SAMD5: variants seen among roughly 807,000 people sequenced by gnomAD.
The protein encoded by SAMD5 is sterile alpha motif domain-containing protein 5.
SAMD5 carries 13 observed loss-of-function variants against 11.3 expected under a neutral mutation model. That is an observed-to-expected ratio of 1.15 (90% CI 0.75 to 1.83). SAMD5 has a LOEUF of 1.83. Among genes scored for constraint, SAMD5 ranks in the 40% most tolerant of loss-of-function variants. The pLI, the probability that SAMD5 is intolerant of heterozygous loss-of-function variation, is 0.00. For missense variants in SAMD5, 255 were observed against 239.1 expected, an observed-to-expected ratio of 1.07 and a Z score of -0.44; for synonymous variants, 129 against 111.3, an observed-to-expected ratio of 1.16 and a Z score of -1.00.
At chr6:147,875,077 A>G in the SAMD5 span, among the ~76,000 whole-genome samples, 1 of 152,186 alleles carries the variant, frequency 6.6e-6, no homozygotes, top group East Asian at 1.9e-4. Flanking sequence ...TCCAAGTTGA[A>G]TTTTAAAACT....
At chr6:147,654,070 CT>C (rs1348055879) in intron 1 of SAMD5, among the ~76,000 whole-genome samples, 2 of 152,114 alleles carry the variant, frequency 1.3e-5, no homozygotes, top group African/African-American at 4.8e-5. Flanking sequence ...GTCTTTTTTC[CT>C]TTATTTTGTT....
At chr6:147,540,731 A>G (rs1405280402) in intron 1 of SAMD5, among the ~76,000 whole-genome samples, 1 of 151,906 alleles carries the variant, frequency 6.6e-6, no homozygotes, top group Non-Finnish European at 1.5e-5. Context: ...AAACCCTTGC[A>G]GAGAGACAAG....
chr6:147,872,232 A>G, the SAMD5 span, among the ~76,000 whole-genome samples: 1 of 151,808 alleles, frequency 6.6e-6, no homozygotes, highest in Non-Finnish European at 1.5e-5. Flanking sequence ...CAGCCTCCCA[A>G]GCAGGTAGGA....
At chr6:147,524,751 G>A (rs983181702) in intron 1 of SAMD5, among the ~76,000 whole-genome samples, 1 of 152,028 alleles carries the variant, frequency 6.6e-6, no homozygotes, top group Non-Finnish European at 1.5e-5. Flanking sequence ...GCTGTTGGTG[G>A]TCTCGTCAGA....
At chr6:147,865,103 T>A in the SAMD5 span, among the ~76,000 whole-genome samples, 146 of 152,348 alleles carry the variant, frequency 9.6e-4, no homozygotes, top group Non-Finnish European at 1.3e-3. Context: ...TCTGGGCATC[T>A]GTTGAGGCCA....
At chr6:147,727,869 C>T (rs1791651747) in intron 1 of SAMD5, among the ~76,000 whole-genome samples, 1 of 152,088 alleles carries the variant, frequency 6.6e-6, no homozygotes, top group South Asian at 2.1e-4. Flanking sequence ...AACTAATTGA[C>T]CACATTCAAC....
chr6:147,751,693 C>T, the SAMD5 span, among the ~76,000 whole-genome samples: 2 of 152,196 alleles, frequency 1.3e-5, no homozygotes, highest in Non-Finnish European at 2.9e-5. Flanking sequence ...CCAGATGACA[C>T]TAATCACACG....
At chr6:147,826,784 T>C in the SAMD5 span, among the ~76,000 whole-genome samples, 1 of 152,158 alleles carries the variant, frequency 6.6e-6, no homozygotes. Flanking sequence ...GTCATCATTG[T>C]GGTGTTATTA....
chr6:147,944,122 C>G, the SAMD5 span, among the ~76,000 whole-genome samples: 1 of 152,138 alleles, frequency 6.6e-6, no homozygotes, highest in East Asian at 1.9e-4. Flanking sequence ...TTTTCCCTCC[C>G]CCTCTCTCAC....
At chr6:147,597,924 C>T (rs540496759) in intron 1 of SAMD5, among the ~76,000 whole-genome samples, 51 of 152,144 alleles carry the variant, frequency 3.4e-4, no homozygotes, top group African/African-American at 1.1e-3. Flanking sequence ...CCCTGCAGGC[C>T]GGGTCACTCA....
chr6:147,518,446 T>C (rs1332127560), intron 1 of SAMD5, among the ~76,000 whole-genome samples: 2 of 152,236 alleles, frequency 1.3e-5, no homozygotes, highest in Non-Finnish European at 2.9e-5. Context: ...GAACTATATA[T>C]ATGGATAAAC....
Position 147,671,165 on chromosome 6 carries a change from G to T in SAMD5, c.163-66152G>T, listed in dbSNP as rs149272865. Among the ~76,000 whole-genome samples, 28 of 152,280 alleles carry T rather than the reference G, an allele frequency of 1.8e-4. No individual in the cohort carries two copies. The East Asian group carries it at 4.6e-3, about 25-fold the overall frequency. On this transcript the variant is annotated intron_variant, in intron 1 of 1. Coordinates refer to the SAMD5 transcript ENST00000566741. The stretch of plus-strand genomic sequence containing the variant: ...CAGTCAGAACACATATTTATTGATT[G>T]AATTCACCATCATGTGGGAGCAGTT...
In SAMD5 at chr6:147,711,012, A is replaced by AGGAAGGAAATAAGGAAGGAG. The variant is rs1246127989; in HGVS notation, c.163-26295_163-26276dup. On this transcript the variant is annotated intron_variant, in intron 1 of 1. Coordinates refer to the SAMD5 transcript ENST00000566741. The surrounding 1 kb of genome is among the most constrained non-coding windows in gnomAD (Gnocchi z 4.1). ...GGAGGGAGGGAAGGAAAATAAAGGA[A>AGGAAGGAAATAAGGAAGGAG]GGAAGGAAATAAGGAAGGAGGGAAG... Among the ~76,000 whole-genome samples, 1 of 151,614 alleles carries AGGAAGGAAATAAGGAAGGAG rather than the reference A, an allele frequency of 6.6e-6. No individual in the cohort carries two copies. Among genetic ancestry groups the AGGAAGGAAATAAGGAAGGAG allele is most frequent in the Non-Finnish European group, 1.5e-5 (1 of 67,886 alleles).
At chr6:147,548,153 T>G (rs1788715089) in intron 1 of SAMD5, among the ~76,000 whole-genome samples, 1 of 151,792 alleles carries the variant, frequency 6.6e-6, no homozygotes, top group Non-Finnish European at 1.5e-5. Flanking sequence ...TAGCGGGGAG[T>G]GGGAAGTAGA....
At chr6:147,617,916 GTAATT>G (rs982156241) in intron 1 of SAMD5, among the ~76,000 whole-genome samples, 9 of 152,200 alleles carry the variant, frequency 5.9e-5, no homozygotes, top group African/African-American at 2.2e-4. Flanking sequence ...GAGCAAGTGA[GTAATT>G]TAATTTTTTA....
the SAMD5 span, among the ~76,000 whole-genome samples, chr6:147,782,972 A>G: frequency 6.6e-6 from 1 of 152,234 alleles, no homozygotes; most frequent in Admixed American, 6.5e-5. Flanking sequence ...AGTCTAAAAT[A>G]TGGAACTTAA....
At chr6:147,759,965 A>G in the SAMD5 span, among the ~76,000 whole-genome samples, 1 of 152,204 alleles carries the variant, frequency 6.6e-6, no homozygotes, top group Non-Finnish European at 1.5e-5. Context: ...ACTCTTCCCT[A>G]TGAATTCATT....
chr6:147,747,726 C>A, the SAMD5 span, among the ~76,000 whole-genome samples: 1 of 152,090 alleles, frequency 6.6e-6, no homozygotes, highest in Non-Finnish European at 1.5e-5. Context: ...GTTCCCTAGG[C>A]CGATAAACCT....
At chr6:147,581,487 G>C (rs572377805) in intron 1 of SAMD5, among the ~76,000 whole-genome samples, 2 of 152,258 alleles carry the variant, frequency 1.3e-5, no homozygotes, top group South Asian at 4.1e-4. Flanking sequence ...AACATAGCCA[G>C]AGCACCAACA....
Sources: gnomAD v4.1 joint callset for allele counts (sites outside exome capture counted in the v4.1 genomes callset) on GRCh38, gnomAD v4.1.1 for gene constraint, Gnocchi (gnomAD v3.1) non-coding constraint, MANE v1.5 for transcripts, NCBI Gene and HGNC (gene_info 2026-07-23, HGNC 2026-07-21) for gene names.